Variants in CNTN5 observed in about 807,000 individuals in gnomAD.
The protein encoded by CNTN5 is contactin-5.
CNTN5 carries 77 observed loss-of-function variants against 129.1 expected under a neutral mutation model. That is an observed-to-expected ratio of 0.60 (90% confidence interval 0.50 to 0.72). The LOEUF is 0.72. CNTN5 is among the 30% of genes least tolerant of loss of function. The pLI is 0.00. For missense variants in CNTN5, 1,478 were observed against 1,328.8 expected, an observed-to-expected ratio of 1.11 and a Z score of -1.75; for synonymous variants, 509 against 465.6, an observed-to-expected ratio of 1.09 and a Z score of -1.20.
At chr11:99,385,456 A>G (rs576227777) in intron 2 of CNTN5, among the ~76,000 whole-genome samples, 33 of 152,222 alleles carry the variant, frequency 2.2e-4, no homozygotes, top group Non-Finnish European at 4.1e-4. Flanking sequence ...TAGGTGTTAT[A>G]TTTTATTCAT....
intron 2 of CNTN5, among the ~76,000 whole-genome samples, chr11:99,513,000 C>T (rs1161022158): frequency 1.3e-5 from 2 of 152,088 alleles, no homozygotes; most frequent in Non-Finnish European, 2.9e-5. Flanking sequence ...AAGAGTGAGG[C>T]CTCTTATGCC....
chr11:99,366,600 C>T (rs761615405), intron 2 of CNTN5, among the ~76,000 whole-genome samples: 1 of 152,116 alleles, frequency 6.6e-6, no homozygotes, highest in Non-Finnish European at 1.5e-5. Context: ...CAGTGTGTAT[C>T]GCCAAAGACC....
intron 3 of CNTN5, among the ~76,000 whole-genome samples, chr11:99,640,636 C>T (rs1284770179): frequency 6.6e-6 from 1 of 152,116 alleles, no homozygotes; most frequent in Non-Finnish European, 1.5e-5. Context: ...GTTTTAATTA[C>T]CATTGTGTTA....
rs371084405 is a variant in CNTN5 at position 99,272,281 on chromosome 11, C to A, written c.-209-53065C>A. On this transcript the variant is annotated intron_variant, in intron 1 of 24. Coordinates refer to ENST00000524871, the MANE Select transcript of CNTN5 (RefSeq NM_014361.4). ...TTGTGTTTTTATATTCAATGGAGAT[C>A]TATTTGAGTAAGCAGTCTTTTTTTT... is the stretch of plus-strand genomic sequence containing the variant. Among the ~76,000 whole-genome samples, 426 of 150,648 alleles carry A rather than the reference C, an allele frequency of 2.8e-3. 2 individuals are homozygous for A. The highest frequency in any genetic ancestry group is 0.01 in the African/African-American group (418 of 41,078).
chr11:100,051,028 A>G (rs1000910772), intron 9 of CNTN5, among the ~76,000 whole-genome samples: 1 of 152,182 alleles, frequency 6.6e-6, no homozygotes, highest in African/African-American at 2.4e-5. Flanking sequence ...TTTATCAATT[A>G]CAAGAACAGC....
At chr11:100,093,189 T>A (rs17094327) in intron 13 of CNTN5, among the ~76,000 whole-genome samples, 1 of 152,090 alleles carries the variant, frequency 6.6e-6, no homozygotes, top group South Asian at 2.1e-4. Context: ...CTCACAGTTA[T>A]GATCTAGCTG....
chr11:100,002,660 G>A (rs574109243), intron 9 of CNTN5, among the ~76,000 whole-genome samples: 1 of 152,168 alleles, frequency 6.6e-6, no homozygotes, highest in Non-Finnish European at 1.5e-5. Flanking sequence ...CCAAATGAGA[G>A]AAAGAATTTA....
intron 2 of CNTN5, among the ~76,000 whole-genome samples, chr11:99,396,228 A>T (rs1018890014): frequency 2.0e-5 from 3 of 151,412 alleles, no homozygotes; most frequent in African/African-American, 7.2e-5. Context: ...TCAAAGTATT[A>T]ATTATTTTGT....
chr11:99,984,739 C>T (rs1938565165), intron 8 of CNTN5, among the ~76,000 whole-genome samples: 2 of 152,136 alleles, frequency 1.3e-5, no homozygotes, highest in Admixed American at 1.3e-4. Context: ...TGGAAAATAG[C>T]AAGCACTCCT....
intron 1 of CNTN5, among the ~76,000 whole-genome samples, chr11:99,032,116 ATAT>A (rs1197329835): frequency 6.6e-6 from 1 of 151,908 alleles, no homozygotes; most frequent in Non-Finnish European, 1.5e-5. Context: ...TTATGGCTGC[ATAT>A]TATTCCATGG....
chr11:99,723,294 G>A (rs947455105), intron 3 of CNTN5, among the ~76,000 whole-genome samples: 1 of 151,982 alleles, frequency 6.6e-6, no homozygotes, highest in African/African-American at 2.4e-5. Flanking sequence ...AATGTACATG[G>A]CTGGAGAAAA....
intron 2 of CNTN5, among the ~76,000 whole-genome samples, chr11:99,484,357 T>G (rs1591141376): frequency 1.3e-5 from 2 of 152,178 alleles, no homozygotes; most frequent in South Asian, 4.1e-4. Flanking sequence ...AGAATAGCAT[T>G]TATCCAAAAG....
intron 1 of CNTN5, among the ~76,000 whole-genome samples, chr11:99,210,599 TG>T (rs1467166154): frequency 6.6e-6 from 1 of 152,138 alleles, no homozygotes; most frequent in Non-Finnish European, 1.5e-5. Flanking sequence ...TATTATCTTT[TG>T]ATTTCCCATT....
chr11:99,289,450 T>C (rs1864077543), intron 1 of CNTN5, among the ~76,000 whole-genome samples: 1 of 151,808 alleles, frequency 6.6e-6, no homozygotes, highest in African/African-American at 2.4e-5. Context: ...AGTTACCTAC[T>C]TAATATCCTT....
At chr11:100,050,103 G>T (rs1942876152) in intron 9 of CNTN5, among the ~76,000 whole-genome samples, 1 of 152,108 alleles carries the variant, frequency 6.6e-6, no homozygotes, top group African/African-American at 2.4e-5. Context: ...AATACCATTT[G>T]ACCCAGCCAT....
chr11:99,762,383 G>T (rs1222196067), intron 3 of CNTN5, among the ~76,000 whole-genome samples: 1 of 151,950 alleles, frequency 6.6e-6, no homozygotes, highest in Non-Finnish European at 1.5e-5. Flanking sequence ...TTCTTTTAGG[G>T]TTTTTATGGT....
At chr11:99,041,974 T>C (rs1864000473) in intron 1 of CNTN5, among the ~76,000 whole-genome samples, 1 of 152,174 alleles carries the variant, frequency 6.6e-6, no homozygotes, top group African/African-American at 2.4e-5. Flanking sequence ...GAAACATTAC[T>C]TCCTCTCTCT....
intron 3 of CNTN5, among the ~76,000 whole-genome samples, chr11:99,686,363 T>A (rs1207843035): frequency 6.6e-6 from 1 of 152,058 alleles, no homozygotes; most frequent in Non-Finnish European, 1.5e-5. Context: ...TATTTTTATT[T>A]TGAATTTTTT....
chr11:99,146,021 A>G (rs1310548077), intron 1 of CNTN5, among the ~76,000 whole-genome samples: 1 of 152,084 alleles, frequency 6.6e-6, no homozygotes, highest in African/African-American at 2.4e-5. Context: ...CAGTTTAGGT[A>G]CACAGTGTAA....
Sources: gnomAD v4.1 joint callset for allele counts (sites outside exome capture counted in the v4.1 genomes callset) on GRCh38, gnomAD v4.1.1 for gene constraint, MANE v1.5 for transcripts, NCBI Gene and HGNC (gene_info 2026-07-23, HGNC 2026-07-21) for gene names.